SORCS3: variants seen among roughly 807,000 people sequenced by gnomAD.
SORCS3 encodes VPS10 domain-containing receptor SorCS3.
A neutral mutation model predicts 146.3 loss-of-function variants in SORCS3; 57 were observed. The ratio of observed to expected loss-of-function variants is 0.39; its 90% CI spans 0.31 to 0.49. The LOEUF (loss-of-function observed/expected upper bound fraction) is 0.49, where lower values mean the gene tolerates loss of function less well. Among genes scored for constraint, SORCS3 ranks in the 20% least tolerant of loss-of-function variants. The pLI is 0.92. For synonymous variants in SORCS3, 653 were observed against 618.5 expected (o/e 1.06, Z -0.83); for missense variants, 1,341 against 1,575.5 (o/e 0.85, Z 2.52).
intron 11 of SORCS3, among the ~76,000 whole-genome samples, chr10:105,160,118 TCTC>T (rs1425057314): frequency 6.6e-6 from 1 of 152,030 alleles, no homozygotes; most frequent in Non-Finnish European, 1.5e-5. Context: ...ACCCTATGCC[TCTC>T]CTCAAGACCT....
At chr10:105,185,137 T>C (rs2056467050) in intron 14 of SORCS3, among the ~76,000 whole-genome samples, 1 of 152,234 alleles carries the variant, frequency 6.6e-6, no homozygotes, top group African/African-American at 2.4e-5. Flanking sequence ...ATAAATGGTA[T>C]ATTCAGCTTT....
intron 18 of SORCS3, 39 bp from the exon 19 acceptor site, chr10:105,216,897 G>A: frequency 6.2e-7 from 1 of 1,608,332 alleles, no homozygotes; most frequent in Non-Finnish European, 8.5e-7. Context: ...AGTCTGGCTG[G>A]ACCAAGTAAA....
chr10:105,073,135 G>A (rs1181023392), intron 5 of SORCS3, among the ~76,000 whole-genome samples: 2 of 112,476 alleles, frequency 1.8e-5, no homozygotes, highest in Admixed American at 1.8e-4. Context: ...AAAATGTACT[G>A]AACAAGGTCA....
In SORCS3 at chr10:105,062,554, G is replaced by A. The variant is rs138385939; in HGVS notation, c.1028+19426G>A. On this transcript the variant is annotated intron_variant, in intron 5 of 26. Coordinates refer to ENST00000369701, the MANE Select transcript of SORCS3 (RefSeq NM_014978.3). ...GCAGGTGCCACGATAGGGACCCGGT[G>A]TAGTGGGAGGGTGTTGAGTATTTCA... 6.6e-5 allele frequency among the ~76,000 whole-genome samples: 10 copies of A among 152,286 alleles called. No homozygotes were observed. In the East Asian group the frequency reaches 1.9e-3, roughly 29 times the overall value.
rs1337031190 is a variant in SORCS3 at position 104,643,198 on chromosome 10, T to C, written c.627+1244T>C. 3.9e-5 allele frequency among the ~76,000 whole-genome samples: 6 copies of C among 152,288 alleles called. No homozygotes were observed. In the East Asian group the frequency reaches 1.2e-3, roughly 29 times the overall value. On this transcript the variant is annotated intron_variant, in intron 1 of 26. Coordinates refer to ENST00000369701, the MANE Select transcript of SORCS3 (RefSeq NM_014978.3). The stretch of plus-strand genomic sequence containing the variant: ...AAGCAGCCTTGGGGAACTGATTTGA[T>C]AGGAACTCACCCCGCAACTCCCTGC...
chr10:105,018,190 T>A (rs1052875015), intron 4 of SORCS3, among the ~76,000 whole-genome samples: 1 of 152,182 alleles, frequency 6.6e-6, no homozygotes. Flanking sequence ...TCTTTTCTGG[T>A]GGTGTTTTTG....
intron 25 of SORCS3, among the ~76,000 whole-genome samples, chr10:105,258,493 T>C (rs1321792436): frequency 6.6e-6 from 1 of 152,184 alleles, no homozygotes; most frequent in African/African-American, 2.4e-5. Flanking sequence ...ATGTCTCATC[T>C]CTGACTCCCA....
At chr10:105,227,552 G>C (rs1294164082) in intron 20 of SORCS3, among the ~76,000 whole-genome samples, 1 of 152,100 alleles carries the variant, frequency 6.6e-6, no homozygotes, top group Non-Finnish European at 1.5e-5. Context: ...GTAAATATCT[G>C]TTAGGTCCAT....
At chr10:105,255,854 G>A in intron 24 of SORCS3, 53 bp downstream of exon 24, 1 of 1,391,628 alleles carries the variant, frequency 7.2e-7, no homozygotes, top group Non-Finnish European at 1.0e-6. Context: ...TTATCCCAGA[G>A]AGAAAAGGAG....
intron 5 of SORCS3, among the ~76,000 whole-genome samples, chr10:105,061,578 A>G (rs1330820293): frequency 6.7e-6 from 1 of 150,086 alleles, no homozygotes; most frequent in Non-Finnish European, 1.5e-5. Context: ...TAAAGGCATG[A>G]GTCACTGCGC....
rs1050435837 is a variant in SORCS3, at chr10:104,658,872, G to T, written c.627+16918G>T. ...TTTTTTGTTTTTTGCTTTTGTTTTT[G>T]TTTTTTTTTTGGTTGTGACTAAACT... On this transcript the variant is annotated intron_variant, in intron 1 of 26. Coordinates refer to ENST00000369701, the MANE Select transcript of SORCS3 (RefSeq NM_014978.3). Among the ~76,000 whole-genome samples, 50 of 144,708 alleles carry T rather than the reference G, an allele frequency of 3.5e-4. 1 individual carries two copies. Among genetic ancestry groups the T allele is most frequent in the African/African-American group, 1.1e-3 (42 of 39,326 alleles). 94.9% of individuals were successfully genotyped at this position (144,708 alleles called of 152,430 possible). A position where few individuals can be genotyped will look rare whatever the true frequency, so the allele number is the denominator to read the frequency against.
chr10:104,961,490 G>T (rs1193194190), intron 3 of SORCS3, among the ~76,000 whole-genome samples: 5 of 152,060 alleles, frequency 3.3e-5, no homozygotes, highest in African/African-American at 1.2e-4. Flanking sequence ...GCATTTTTTT[G>T]AATTATGAAA....
chr10:104,647,476 T>G (rs1051634630), intron 1 of SORCS3, among the ~76,000 whole-genome samples: 4 of 152,254 alleles, frequency 2.6e-5, no homozygotes, highest in Non-Finnish European at 4.4e-5. Flanking sequence ...ATATTTAGTT[T>G]AGTACTTACT....
rs2056909308 is a variant in SORCS3, at chr10:105,252,854, C to T, written c.3185C>T (p.Pro1062Leu). Reference protein sequence around the residue: ...LPTSAELFILPPKNLTERRKG... With the variant: ...LPTSAELFILLPKNLTERRKG... Reference sequence around the variant, plus strand: ...ACTTCAGCAGAGCTTTTCATTCTTCCACCCAAGAACCTGACAGAGAGGAGG... The same window carrying T: ...ACTTCAGCAGAGCTTTTCATTCTTCTACCCAAGAACCTGACAGAGAGGAGG... Residue 1062 changes from proline to leucine, a missense_variant, in exon 23 of 27, where the codon CCA (proline) becomes CTA (leucine). By Grantham distance (98) the Pro-to-Leu change is moderately conservative. Transcript: ENST00000369701. 1.2e-6 allele frequency: 2 copies of T among 1,614,052 alleles called. No homozygotes were observed. Among genetic ancestry groups the T allele is most frequent in the Non-Finnish European group, 1.7e-6 (2 of 1,179,974 alleles).
intron 26 of SORCS3, 27 bp from the exon 27 acceptor site, chr10:105,263,283 T>G (rs2056972299): frequency 6.2e-7 from 1 of 1,611,912 alleles, no homozygotes; most frequent in African/African-American, 1.3e-5. Flanking sequence ...CACATCCATT[T>G]CTCCCTGTGT....
chr10:105,148,784 C>T (rs2056149576), intron 9 of SORCS3, among the ~76,000 whole-genome samples: 3 of 151,958 alleles, frequency 2.0e-5, no homozygotes, highest in African/African-American at 7.2e-5. Flanking sequence ...CTAAGCAGTG[C>T]CTGTCAAAAT....
At chr10:105,231,227 C>A (rs2056763676) in intron 20 of SORCS3, among the ~76,000 whole-genome samples, 2 of 152,110 alleles carry the variant, frequency 1.3e-5, no homozygotes, top group Non-Finnish European at 2.9e-5. Flanking sequence ...ATTTTTGTTT[C>A]TTCTTTGTGG....
chr10:104,998,913 T>A (rs2055042953), intron 4 of SORCS3, among the ~76,000 whole-genome samples: 2 of 152,130 alleles, frequency 1.3e-5, no homozygotes, highest in African/African-American at 4.8e-5. Flanking sequence ...ATTACAGAAT[T>A]AAAGACAGGA....
At position 104,710,541 on chromosome 10, in the gene SORCS3, G is replaced by T. The variant is rs2016402871; in HGVS notation, c.627+68587G>T. Among the ~76,000 whole-genome samples, 3 of 152,162 alleles carry T rather than the reference G, an allele frequency of 2.0e-5. No homozygotes were observed. In the South Asian group the frequency reaches 6.2e-4, roughly 32 times the overall value. ...AACATAATACATACAGAATACTGGGGTTGCTGTTTGAGAGGGCTTCTCTGG... is the reference window on the plus strand; with the variant it reads ...AACATAATACATACAGAATACTGGGTTTGCTGTTTGAGAGGGCTTCTCTGG... On this transcript the variant is annotated intron_variant, in intron 1 of 26. Transcript: ENST00000369701.
Sources: gnomAD v4.1 joint callset for allele counts (sites outside exome capture counted in the v4.1 genomes callset) on GRCh38, gnomAD v4.1.1 for gene constraint, MANE v1.5 for transcripts, NCBI Gene and HGNC (gene_info 2026-07-23, HGNC 2026-07-21) for gene names.